Variants in EPPIN observed in about 807,000 individuals in gnomAD.
EPPIN encodes the protein epididymal peptidase inhibitor.
EPPIN carries 14 observed loss-of-function variants against 18.8 expected under a neutral mutation model. The ratio of observed to expected loss-of-function variants is 0.75; its 90% confidence interval spans 0.49 to 1.17. The LOEUF is 1.17. Among genes scored for constraint, EPPIN ranks in the 50% most tolerant of loss-of-function variants. The pLI is 0.00. For missense variants in EPPIN, 143 were observed against 154.2 expected (o/e 0.93, Z 0.39); for synonymous variants, 57 against 54.8 (o/e 1.04, Z -0.18).
rs1979674083 is a variant in EPPIN at position 45,543,128 on chromosome 20, T to C, written c.224-261A>G. On this transcript the variant is annotated intron_variant, in intron 2 of 3. Transcript: ENST00000354280. ...CAGACCAAAATAGGGTGGGCCCCTA[T>C]ACCAATATGACTGGTGTCCTTATAC... is the stretch of plus-strand genomic sequence containing the variant. 7.2e-6 allele frequency: 3 copies of C among 418,966 alleles called. No individual in the cohort carries two copies. The East Asian group carries it at 1.3e-4, about 18-fold the overall frequency. 26.0% of individuals were successfully genotyped at this position (418,966 alleles called of 1,614,324 possible).
chr20:45,547,111 T>C (rs532420155), intron 1 of EPPIN, among the ~76,000 whole-genome samples, 156 bp downstream of exon 1: 1 of 152,162 alleles, frequency 6.6e-6, no homozygotes, highest in Non-Finnish European at 1.5e-5. Flanking sequence ...GAAGGAATCT[T>C]ACACAGGAGG....
rs1252546679 is a variant in EPPIN, at chr20:45,541,783, C to T, written c.*361G>A. ...TGATGTCACCAGAAGCCTCAATGATCCCTTACTCTGCAAAGTGTAATGTGC... is the reference window on the plus strand; with the variant it reads ...TGATGTCACCAGAAGCCTCAATGATTCCTTACTCTGCAAAGTGTAATGTGC... On this transcript the variant is annotated 3_prime_UTR_variant, in exon 4 of 4. Transcript: ENST00000354280. The T allele has an allele frequency of 4.7e-6, 1 of 213,908 alleles. No individual in the cohort carries two copies. Among genetic ancestry groups the T allele is most frequent in the Non-Finnish European group, 9.3e-6 (1 of 107,182 alleles). The allele number at this position is 213,908 out of a possible 1,614,324, so 13.3% of individuals were successfully genotyped here.
chr20:45,545,826 C>A, intron 1 of EPPIN, 56 bp from the exon 2 acceptor site: 1 of 1,593,942 alleles, frequency 6.3e-7, no homozygotes, highest in Non-Finnish European at 8.6e-7. Context: ...TGTCTCCCCA[C>A]TTTGCCAGAC....
At position 45,541,284 on chromosome 20, in the gene EPPIN, G is replaced by A. The variant is rs1406824143; in HGVS notation, c.*860C>T. 6.6e-6 allele frequency: 1 copy of A among 152,116 alleles called. No homozygotes were observed. Among genetic ancestry groups the A allele is most frequent in the Non-Finnish European group, 1.5e-5 (1 of 68,036 alleles). 9.4% of individuals were successfully genotyped at this position (152,116 alleles called of 1,614,324 possible). Reference sequence around the variant, plus strand: ...TCAGGATAAATAGCTAATGCATGCGGGGCTTAATACCCAGGTAATGGGTTG... The same window carrying A: ...TCAGGATAAATAGCTAATGCATGCGAGGCTTAATACCCAGGTAATGGGTTG... On this transcript the variant is annotated 3_prime_UTR_variant, in exon 4 of 4. Coordinates refer to ENST00000354280, the MANE Select transcript of EPPIN (RefSeq NM_020398.4).
At chr20:45,542,662 A>C in intron 3 of EPPIN, 38 bp downstream of exon 3, 1 of 1,602,102 alleles carries the variant, frequency 6.2e-7, no homozygotes, top group Non-Finnish European at 8.5e-7. Context: ...CCGGCATGGG[A>C]CTGGAGAGGA....
chr20:45,545,939 C>T, intron 1 of EPPIN, 169 bp from the exon 2 acceptor site: 1 of 930,796 alleles, frequency 1.1e-6, no homozygotes. Context: ...CTGCCTACAC[C>T]CCCACCACTC....
rs760474176 is a variant in EPPIN, at chr20:45,545,701, C to G, written c.161G>C (p.Cys54Ser). The change falls in exon 2 of 4, where the codon TGC becomes TCC. Residue 54 changes from cysteine (C) to serine (S), a missense_variant. Cys to Ser is a moderately radical substitution (Grantham distance 112, BLOSUM62 -1). Transcript: ENST00000354280. ...GACACAACACTTCTTGTTGTCCTGGCATTGTCTGTCCTTTGTACACACATC... is the reference window on the plus strand; with the variant it reads ...GACACAACACTTCTTGTTGTCCTGGGATTGTCTGTCCTTTGTACACACATC... ...ERDVCTKDRQ[C>S]QDNKKCCVFS... is the part of the protein sequence containing the mutation. The G allele has an allele frequency of 1.2e-5, 19 of 1,613,976 alleles. No homozygotes were observed. The African/African-American group carries it at 2.4e-4, about 20-fold the overall frequency.
At chr20:45,542,250 A>T (rs1054000419) in intron 3 of EPPIN, 96 bp from the exon 4 acceptor site, 162 of 1,528,690 alleles carry the variant, frequency 1.1e-4, no homozygotes, top group Middle Eastern at 3.4e-4. Context: ...ACAGAAAGAC[A>T]CTAAAAAGTA....
chr20:45,542,860 G>T lies in EPPIN; in HGVS notation c.231C>A (p.Cys77Ter). The T allele has an allele frequency of 6.2e-7, 1 of 1,612,460 alleles. No homozygotes were observed. Among genetic ancestry groups the T allele is most frequent in the East Asian group, 2.2e-5 (1 of 44,848 alleles). Residue 77 changes from cysteine (C) to a stop codon, truncating the protein, a stop_gained, in exon 3 of 4, where the codon TGC (cysteine) becomes TGA (stop). Coordinates refer to ENST00000354280, the MANE Select transcript of EPPIN (RefSeq NM_020398.4). LOFTEE classifies it high-confidence loss of function. Reference sequence around the variant, plus strand: ...AGGGGCCAGTTTCTTTTGGCATTTCGCATACATCTGCAGAGAGACTCCAGA... The same window carrying T: ...AGGGGCCAGTTTCTTTTGGCATTTCTCATACATCTGCAGAGAGACTCCAGA... Reference protein sequence around the residue: ...KKCLDLKQDVCEMPKETGPCL... With the variant: ...KKCLDLKQDV
chr20:45,543,259 G>T (rs937242054), intron 2 of EPPIN: 1 of 159,680 alleles, frequency 6.3e-6, no homozygotes, highest in East Asian at 1.8e-4. Flanking sequence ...ACCAAAGATT[G>T]CCAGCAAAGC....
rs1478388100 is a variant in EPPIN at position 45,542,912 on chromosome 20, G to A, written c.224-45C>T. 3 of 1,567,588 alleles carry A rather than the reference G, an allele frequency of 1.9e-6. No individual in the cohort carries two copies. The East Asian group carries it at 6.8e-5, about 35-fold the overall frequency. ...TTGAAAACTCAGTGTGCCCACTCCAGAAATAAACAGTTGTTATTATTCTCC... is the reference window on the plus strand; with the variant it reads ...TTGAAAACTCAGTGTGCCCACTCCAAAAATAAACAGTTGTTATTATTCTCC... On this transcript the variant is annotated intron_variant, in intron 2 of 3. Coordinates refer to ENST00000354280, the MANE Select transcript of EPPIN (RefSeq NM_020398.4).
Position 45,541,970 on chromosome 20 carries a change from A to T in EPPIN, c.*174T>A, listed in dbSNP as rs1382059542. 4.5e-6 allele frequency: 3 copies of T among 663,660 alleles called. No individual in the cohort carries two copies. Among genetic ancestry groups the T allele is most frequent in the Admixed American group, 3.2e-5 (1 of 31,030 alleles). 41.1% of individuals were successfully genotyped at this position (663,660 alleles called of 1,614,324 possible). A position where few individuals can be genotyped will look rare whatever the true frequency, so the allele number is the denominator to read the frequency against. On this transcript the variant is annotated 3_prime_UTR_variant, in exon 4 of 4. Transcript: ENST00000354280. ...ACGGATGGATATTGTGCATCAAAAG[A>T]GCCAAAGATGGAGGAAGAGGAGGTA...
At chr20:45,546,133 G>C (rs574956833) in intron 1 of EPPIN, 13 of 341,858 alleles carry the variant, frequency 3.8e-5, no homozygotes, top group Non-Finnish European at 5.3e-6. Context: ...ACCCCTGATT[G>C]TAACAACTGA....
chr20:45,541,057 G>A lies in EPPIN; in HGVS notation c.*1087C>T, dbSNP rs1568987907. 6.6e-6 allele frequency: 1 copy of A among 152,132 alleles called. No individual in the cohort carries two copies. The highest frequency in any genetic ancestry group is 1.5e-5 in the Non-Finnish European group (1 of 68,012). 9.4% of individuals were successfully genotyped at this position (152,132 alleles called of 1,614,324 possible). On this transcript the variant is annotated 3_prime_UTR_variant, in exon 4 of 4. Transcript: ENST00000354280. Reference sequence around the variant, plus strand: ...CGATAGGCTGGATAAAGAAAATGTGGTACATATATGCCATGGAATACTATG... The same window carrying A: ...CGATAGGCTGGATAAAGAAAATGTGATACATATATGCCATGGAATACTATG...
chr20:45,545,081 C>T (rs1979768143), intron 2 of EPPIN: 1 of 152,726 alleles, frequency 6.5e-6, no homozygotes, highest in Non-Finnish European at 1.5e-5. Context: ...CTCAGAGGCA[C>T]TCAATCAGTA....
chr20:45,542,655 G>A, intron 3 of EPPIN, 45 bp downstream of exon 3: 2 of 1,589,268 alleles, frequency 1.3e-6, no homozygotes, highest in Non-Finnish European at 1.7e-6. Flanking sequence ...AGACCTCCCG[G>A]CATGGGACTG....
intron 2 of EPPIN, 53 bp from the exon 3 acceptor site, chr20:45,542,920 C>T (rs906776664): frequency 3.6e-5 from 56 of 1,557,736 alleles, no homozygotes; most frequent in Non-Finnish European, 4.7e-5. Flanking sequence ...CAGAAATAAA[C>T]AGTTGTTATT....
intron 3 of EPPIN, chr20:45,542,464 C>T (rs1373713284): frequency 1.5e-6 from 1 of 652,630 alleles, no homozygotes; most frequent in Non-Finnish European, 2.6e-6. Context: ...CTCCTAATTC[C>T]CCTCATACTT....
chr20:45,542,676 A>C, intron 3 of EPPIN, 24 bp downstream of exon 3: 1 of 1,608,262 alleles, frequency 6.2e-7, no homozygotes, highest in Non-Finnish European at 8.5e-7. Flanking sequence ...GAGAGGATGA[A>C]AGACCGGGGC....
Sources: allele counts gnomAD v4.1 joint callset (sites outside exome capture counted in the v4.1 genomes callset), GRCh38; gene constraint gnomAD v4.1.1; transcripts MANE v1.5; gene names NCBI Gene and HGNC (gene_info 2026-07-23, HGNC 2026-07-21).